Variants in PACRG observed in about 807,000 individuals in gnomAD.
PACRG encodes parkin coregulated, also known as parkin coregulated gene protein.
In PACRG, 29 loss-of-function variants were observed where a neutral mutation model predicts 29.7. The observed-to-expected ratio is 0.98, with a 90% CI of 0.73 to 1.33. The LOEUF is 1.33. PACRG is among the 40% of genes most tolerant of loss of function. PACRG has a pLI of 0.00. For synonymous variants in PACRG, 116 were observed against 118.7 expected, an observed-to-expected ratio of 0.98 and a Z score of 0.15; for missense variants, 279 against 316.2, an observed-to-expected ratio of 0.88 and a Z score of 0.89.
At chr6:162,731,922 T>C (rs1294290291) in intron 1 of PACRG, among the ~76,000 whole-genome samples, 1 of 152,132 alleles carries the variant, frequency 6.6e-6, no homozygotes, top group Admixed American at 6.5e-5. Context: ...TTGGGCAGCA[T>C]TCCCCATGAG....
chr6:163,146,393 T>C (rs1008693789), intron 4 of PACRG, among the ~76,000 whole-genome samples: 8 of 152,238 alleles, frequency 5.3e-5, no homozygotes, highest in Non-Finnish European at 7.3e-5. Context: ...TTATTCAGTC[T>C]AATGGCAAGG....
chr6:163,257,763 T>C (rs1049752130), intron 4 of PACRG, among the ~76,000 whole-genome samples: 3 of 152,202 alleles, frequency 2.0e-5, no homozygotes, highest in Admixed American at 2.0e-4. Context: ...AACTTCTTTA[T>C]AGCTAGGACA....
At chr6:162,831,536 T>C (rs1788771196) in intron 2 of PACRG, among the ~76,000 whole-genome samples, 1 of 152,206 alleles carries the variant, frequency 6.6e-6, no homozygotes, top group African/African-American at 2.4e-5. Context: ...CATGGCAGGA[T>C]GTGCAGATTT....
At chr6:163,308,609 T>A (rs964901189) in intron 4 of PACRG, among the ~76,000 whole-genome samples, 1 of 149,170 alleles carries the variant, frequency 6.7e-6, no homozygotes, top group African/African-American at 2.5e-5. Flanking sequence ...GAGGCTGTAG[T>A]GAGCCAAGGT....
At chr6:163,273,247 G>A (rs1783908189) in intron 4 of PACRG, among the ~76,000 whole-genome samples, 1 of 152,104 alleles carries the variant, frequency 6.6e-6, no homozygotes, top group Admixed American at 6.5e-5. Context: ...TCTGTTTAAG[G>A]ATTTCATAAG....
intron 1 of PACRG, among the ~76,000 whole-genome samples, chr6:162,784,532 GTTGT>G (rs1784316902): frequency 1.3e-5 from 2 of 152,032 alleles, no homozygotes; most frequent in African/African-American, 2.4e-5. Flanking sequence ...TTTTTTGTTT[GTTGT>G]TTGTTTGTTT....
At chr6:162,908,334 A>C (rs1200441932) in intron 2 of PACRG, among the ~76,000 whole-genome samples, 1 of 152,244 alleles carries the variant, frequency 6.6e-6, no homozygotes, top group Admixed American at 6.5e-5. Context: ...GGATTATCAT[A>C]ATCGTGTTTA....
intron 3 of PACRG, among the ~76,000 whole-genome samples, chr6:163,081,399 G>A (rs1409527637): frequency 6.6e-6 from 1 of 152,108 alleles, no homozygotes; most frequent in Non-Finnish European, 1.5e-5. Flanking sequence ...AGAATTTTTA[G>A]AAAAAGATAA....
At position 163,315,053 on chromosome 6, in the gene PACRG, A is replaced by T. The variant is rs1365432828; in HGVS notation, c.*66A>T. Reference sequence around the variant, plus strand: ...GGGATCATCTGTCTCTGTTGCTTTTAGCATCTCATTCCTTGTGACTTCCAC... The same window carrying T: ...GGGATCATCTGTCTCTGTTGCTTTTTGCATCTCATTCCTTGTGACTTCCAC... On this transcript the variant is annotated 3_prime_UTR_variant, in exon 5 of 5. Coordinates refer to ENST00000366888, the MANE Select transcript of PACRG (RefSeq NM_001080379.2). The T allele has an allele frequency of 1.3e-6, 2 of 1,531,546 alleles. No individual in the cohort carries two copies. The highest frequency in any genetic ancestry group is 2.8e-5 in the African/African-American group (2 of 72,588). The allele number at this position is 1,531,546 out of a possible 1,614,324, so 94.9% of individuals were successfully genotyped here.
chr6:162,821,329 GAA>G (rs1787824218), intron 2 of PACRG, among the ~76,000 whole-genome samples: 1 of 152,202 alleles, frequency 6.6e-6, no homozygotes, highest in South Asian at 2.1e-4. Flanking sequence ...ATAACTCCTG[GAA>G]AGTGTATAGA....
At chr6:163,217,031 C>T (rs1781390105) in intron 4 of PACRG, among the ~76,000 whole-genome samples, 1 of 152,196 alleles carries the variant, frequency 6.6e-6, no homozygotes, top group Admixed American at 6.5e-5. Flanking sequence ...CACCAGCACG[C>T]CTTTGCAAGT....
intron 4 of PACRG, 115 bp from the exon 5 acceptor site, chr6:163,314,712 A>C (rs979400187): frequency 8.5e-6 from 10 of 1,177,432 alleles, no homozygotes; most frequent in Non-Finnish European, 1.2e-5. Context: ...TCGTGTAAAA[A>C]TCTTGCATGT....
intron 1 of PACRG, among the ~76,000 whole-genome samples, chr6:162,766,604 G>A (rs908262714): frequency 1.3e-5 from 2 of 152,050 alleles, no homozygotes; most frequent in African/African-American, 4.8e-5. Flanking sequence ...CGATAATTCT[G>A]TTTTTGTTTC....
chr6:162,966,756 G>A (rs982328861), intron 2 of PACRG, among the ~76,000 whole-genome samples: 6 of 151,938 alleles, frequency 3.9e-5, no homozygotes, highest in Non-Finnish European at 7.4e-5. Flanking sequence ...GATTACAGGC[G>A]TGAGCCCCCG....
chr6:163,081,221 G>T (rs1813044194), intron 3 of PACRG, among the ~76,000 whole-genome samples: 1 of 151,596 alleles, frequency 6.6e-6, no homozygotes, highest in South Asian at 2.1e-4. Flanking sequence ...CGCTATAATG[G>T]GCCCAAAACA....
chr6:163,095,399 A>T (rs991660057), intron 4 of PACRG: 9 of 985,338 alleles, frequency 9.1e-6, no homozygotes, highest in African/African-American at 1.7e-5. Context: ...TGGTAGGGCG[A>T]TGTCTAAAGA....
intron 2 of PACRG, among the ~76,000 whole-genome samples, chr6:162,953,527 AT>A (rs1799806654): frequency 6.6e-6 from 1 of 152,222 alleles, no homozygotes; most frequent in African/African-American, 2.4e-5. Context: ...AAAATGTAAG[AT>A]TAATTGCTTC....
At chr6:162,811,306 T>A (rs1786845297) in intron 1 of PACRG, among the ~76,000 whole-genome samples, 1 of 152,132 alleles carries the variant, frequency 6.6e-6, no homozygotes, top group Non-Finnish European at 1.5e-5. Context: ...AGAATGGATA[T>A]CTTGAGAGAC....
chr6:162,978,820 A>T (rs1458080639), intron 2 of PACRG, among the ~76,000 whole-genome samples: 3 of 152,316 alleles, frequency 2.0e-5, no homozygotes, highest in Admixed American at 1.3e-4. Flanking sequence ...CCCACCAAAT[A>T]ATGAAATGCT....
Sources: allele counts gnomAD v4.1 joint callset (sites outside exome capture counted in the v4.1 genomes callset), GRCh38; gene constraint gnomAD v4.1.1; transcripts MANE v1.5; gene names NCBI Gene and HGNC (gene_info 2026-07-23, HGNC 2026-07-21).